Variants in ANO3 observed in about 807,000 individuals in gnomAD.
ANO3 encodes the protein anoctamin-3.
ANO3 carries 99 observed loss-of-function variants against 144.8 expected under a neutral mutation model. The observed-to-expected ratio is 0.68, with a 90% CI of 0.58 to 0.81. The LOEUF (loss-of-function observed/expected upper bound fraction) is 0.81, where lower values mean the gene tolerates loss of function less well. Among genes scored for constraint, ANO3 ranks in the 30% least tolerant of loss-of-function variants. The pLI is 0.00. For synonymous variants in ANO3, 414 were observed against 392.6 expected (o/e 1.05, Z -0.64); for missense variants, 905 against 1,202.2 (o/e 0.75, Z 3.66).
chr11:26,262,284 C>G (rs1404100606), intron 1 of ANO3, among the ~76,000 whole-genome samples: 1 of 152,122 alleles, frequency 6.6e-6, no homozygotes, highest in Admixed American at 6.6e-5. Flanking sequence ...ATTGAAGTAA[C>G]CTACCATCCT....
chr11:26,419,008 G>T (rs1293158748), intron 1 of ANO3, among the ~76,000 whole-genome samples: 1 of 152,074 alleles, frequency 6.6e-6, no homozygotes, highest in African/African-American at 2.4e-5. Flanking sequence ...GGTAATTTAT[G>T]AAGAAAGATG....
At chr11:26,581,546 G>T (rs1267654061) in intron 14 of ANO3, among the ~76,000 whole-genome samples, 1 of 151,758 alleles carries the variant, frequency 6.6e-6, no homozygotes, top group Non-Finnish European at 1.5e-5. Context: ...AAAATTAGCT[G>T]GGCATGGTGG....
intron 1 of ANO3, among the ~76,000 whole-genome samples, chr11:26,204,698 G>A (rs1214177706): frequency 6.6e-5 from 10 of 152,122 alleles, no homozygotes; most frequent in Admixed American, 5.2e-4. Flanking sequence ...TGAGAGAGGT[G>A]TATGGCGTAT....
rs560884148 is a variant in ANO3, at chr11:26,195,644, G to C, written c.154+6314G>C. Among the ~76,000 whole-genome samples the C allele has an allele frequency of 5.3e-5, 8 of 152,274 alleles. No individual in the cohort carries two copies. In the East Asian group the frequency reaches 1.4e-3, roughly 26 times the overall value. On this transcript the variant is annotated intron_variant, in intron 1 of 27. Transcript: ENST00000672621. ...AGAATATGACAGTGAGGCCAAAAGA[G>C]TGGCTTGTCTCAGGTCACTCAGATA...
chr11:26,538,127 G>A (rs1849556431), intron 10 of ANO3, among the ~76,000 whole-genome samples: 2 of 152,156 alleles, frequency 1.3e-5, no homozygotes, highest in African/African-American at 4.8e-5. Flanking sequence ...TTGCAGTCTG[G>A]TACGACCAAT....
In ANO3 at chr11:26,637,801, C is replaced by T. The variant is rs1050454170; in HGVS notation, c.2044-1343C>T. Among the ~76,000 whole-genome samples the T allele has an allele frequency of 2.0e-5, 3 of 151,912 alleles. No individual in the cohort carries two copies. In the East Asian group the frequency reaches 5.8e-4, roughly 29 times the overall value. The stretch of plus-strand genomic sequence containing the variant: ...TGTCTTATTTGTTCTCTTTGAAGTT[C>T]CACTAGTACCAATTTGATAGAAATA... On this transcript the variant is annotated intron_variant, in intron 20 of 26. Transcript: ENST00000256737.
chr11:26,467,350 C>T (rs1455003525), intron 4 of ANO3, among the ~76,000 whole-genome samples: 1 of 152,054 alleles, frequency 6.6e-6, no homozygotes, highest in East Asian at 1.9e-4. Context: ...ACTATAGTCA[C>T]CCTATTGTGC....
chr11:26,591,363 C>A (rs766849683), intron 14 of ANO3, among the ~76,000 whole-genome samples: 18 of 152,120 alleles, frequency 1.2e-4, no homozygotes, highest in Non-Finnish European at 2.2e-4. Context: ...AGAGCATGGG[C>A]TAGCAGGCTG....
intron 1 of ANO3, among the ~76,000 whole-genome samples, chr11:26,384,370 C>CA (rs1856668036): frequency 6.6e-6 from 1 of 151,986 alleles, no homozygotes; most frequent in African/African-American, 2.4e-5. Flanking sequence ...ATAAGACAGA[C>CA]AAAAAGCTGA....
intron 14 of ANO3, among the ~76,000 whole-genome samples, chr11:26,577,697 G>A (rs1292401241): frequency 6.6e-6 from 1 of 152,074 alleles, no homozygotes; most frequent in Non-Finnish European, 1.5e-5. Flanking sequence ...TTCCAGCTAT[G>A]TTAATGTGCA....
intron 3 of ANO3, among the ~76,000 whole-genome samples, chr11:26,449,521 G>A (rs2101746): frequency 0.054 from 4,907 of 90,270 alleles, 143 homozygotes; most frequent in Admixed American, 0.13. Flanking sequence ...ACACACACAC[G>A]CACGCACATC....
chr11:26,452,496 C>T (rs576296872), intron 3 of ANO3, among the ~76,000 whole-genome samples: 17 of 151,772 alleles, frequency 1.1e-4, no homozygotes, highest in South Asian at 4.2e-4. Flanking sequence ...GAAGATGAAA[C>T]GAATGAAATG....
chr11:26,353,600 C>T (rs1415541554), intron 1 of ANO3, among the ~76,000 whole-genome samples: 1 of 152,168 alleles, frequency 6.6e-6, no homozygotes, highest in Non-Finnish European at 1.5e-5. Flanking sequence ...TGGATGGAAT[C>T]TCGCTGTCGC....
intron 1 of ANO3, 47 bp from the exon 2 acceptor site, chr11:26,441,871 T>C: frequency 1.4e-6 from 2 of 1,460,798 alleles, no homozygotes; most frequent in African/African-American, 1.4e-5. Flanking sequence ...TATTGACCTC[T>C]ACTGATTGAT....
intron 1 of ANO3, among the ~76,000 whole-genome samples, chr11:26,417,218 T>C (rs138443231): frequency 1.3e-3 from 201 of 152,178 alleles, no homozygotes; most frequent in African/African-American, 4.5e-3. Context: ...TGGTACTACA[T>C]CTATAACCTC....
At chr11:26,213,097 A>G (rs1851967685) in intron 1 of ANO3, among the ~76,000 whole-genome samples, 1 of 152,148 alleles carries the variant, frequency 6.6e-6, no homozygotes, top group South Asian at 2.1e-4. Context: ...CATGTTAAAA[A>G]CTCCTAATAA....
chr11:26,586,275 C>T, intron 14 of ANO3, among the ~76,000 whole-genome samples: 1 of 151,318 alleles, frequency 6.6e-6, no homozygotes, highest in East Asian at 1.9e-4. Flanking sequence ...CCCCCTGATT[C>T]AGTTAGTTTG....
At chr11:26,560,601 CT>C (rs1330401128) in intron 14 of ANO3, 1 of 153,536 alleles carries the variant, frequency 6.5e-6, no homozygotes, top group Non-Finnish European at 1.5e-5. Context: ...CTCTTTTTAG[CT>C]TTAAGTCAAA....
At chr11:26,197,290 A>G (rs1488383572) in intron 1 of ANO3, among the ~76,000 whole-genome samples, 1 of 152,218 alleles carries the variant, frequency 6.6e-6, no homozygotes, top group East Asian at 1.9e-4. Flanking sequence ...TTCGCAATAG[A>G]AAACACTGTC....
Sources: allele counts gnomAD v4.1 joint callset (sites outside exome capture counted in the v4.1 genomes callset), GRCh38; gene constraint gnomAD v4.1.1; transcripts MANE v1.5; gene names NCBI Gene and HGNC (gene_info 2026-07-23, HGNC 2026-07-21).